Variants in TMC6 observed in about 807,000 individuals in gnomAD.
TMC6 encodes the protein transmembrane channel like 6.
In TMC6, 71 loss-of-function variants were observed where a neutral mutation model predicts 95.4. The ratio of observed to expected loss-of-function variants is 0.74; its 90% CI spans 0.61 to 0.91. The LOEUF (loss-of-function observed/expected upper bound fraction) is 0.91, where lower values mean the gene tolerates loss of function less well. Among genes scored for constraint, TMC6 ranks in the 40% least tolerant of loss-of-function variants. The probability of loss-of-function intolerance (pLI) is 0.00; values close to 1 mark genes in which losing one functional copy is unlikely to be tolerated. For missense variants in TMC6, 1,074 were observed against 1,079.1 expected (o/e 1.00, Z 0.07); for synonymous variants, 514 against 483.1 (o/e 1.06, Z -0.84).
rs1470270945 is a variant in TMC6 at position 78,113,144 on chromosome 17, C to A, written c.*4G>T. The A allele has an allele frequency of 6.4e-7, 1 of 1,553,454 alleles. No homozygotes were observed. The highest frequency in any genetic ancestry group is 2.4e-5 in the East Asian group (1 of 41,560). On this transcript the variant is annotated 3_prime_UTR_variant, in exon 20 of 20. Coordinates refer to ENST00000590602, the MANE Select transcript of TMC6 (RefSeq NM_001127198.5). ...GCGGGCCCGTGAGGCCCATCGCCGT[C>A]CCCCTAGGCATCCTGTTCATCTGTG... is the stretch of plus-strand genomic sequence containing the variant.
At chr17:78,126,110 C>T (rs2074698580) in intron 4 of TMC6, 167 bp downstream of exon 4, 10 of 1,141,168 alleles carry the variant, frequency 8.8e-6, no homozygotes, top group Non-Finnish European at 1.2e-5. Flanking sequence ...CTGTGCTGGG[C>T]CCCCAGGCAG....
At chr17:78,120,540 G>T in intron 13 of TMC6, 113 bp downstream of exon 13, 1 of 1,459,594 alleles carries the variant, frequency 6.9e-7, no homozygotes, top group Non-Finnish European at 9.6e-7. Context: ...CCTCTGAAGG[G>T]TGGAGACACA....
In TMC6 at chr17:78,128,412, G is replaced by C. The variant is rs1275051211; in HGVS notation, c.-75+200C>G. Among the ~76,000 whole-genome samples, 1 of 152,036 alleles carries C rather than the reference G, an allele frequency of 6.6e-6. No homozygotes were observed. The highest frequency in any genetic ancestry group is 1.5e-5 in the Non-Finnish European group (1 of 67,960). ...GGCTGCGGATTTTGCTCCCCGCACT[G>C]TCCTCCCCGCCCCTGCCGCTCCCAG... On this transcript the variant is annotated intron_variant, in intron 1 of 19. Transcript: ENST00000590602. The surrounding 1 kb of genome is among the most constrained non-coding windows in gnomAD (Gnocchi z 4.0).
At chr17:78,115,592 C>T (rs1053594937) in intron 18 of TMC6, among the ~76,000 whole-genome samples, 1 of 151,148 alleles carries the variant, frequency 6.6e-6, no homozygotes, top group Non-Finnish European at 1.5e-5. Context: ...GCCCAGTGGG[C>T]AAGGAGGTCC....
At chr17:78,123,219 G>C in intron 9 of TMC6, 1 of 301,840 alleles carries the variant, frequency 3.3e-6, no homozygotes, top group Non-Finnish European at 6.5e-6. Context: ...AAGCCTCATG[G>C]ATTGTCCCAG....
At chr17:78,117,673 A>G (rs1019318805) in intron 16 of TMC6, 29 bp from the exon 17 acceptor site, 4 of 1,555,212 alleles carry the variant, frequency 2.6e-6, no homozygotes, top group African/African-American at 1.4e-5. Context: ...AGGAACCCTC[A>G]CCCCGAGCAA....
In TMC6 at chr17:78,111,270, A is replaced by T. The variant is rs1172259832; in HGVS notation, c.*1878T>A. ...TAGCACACACGGTAATTCTCCAGAA[A>T]TATCCAGGCCAAGTTCTTCCACTTT... On this transcript the variant is annotated 3_prime_UTR_variant, in exon 20 of 20. Coordinates refer to ENST00000590602, the MANE Select transcript of TMC6 (RefSeq NM_001127198.5). The T allele has an allele frequency of 1.3e-5, 2 of 152,326 alleles. No individual in the cohort carries two copies. The highest frequency in any genetic ancestry group is 1.3e-4 in the Admixed American group (2 of 15,288). The allele number at this position is 152,326 out of a possible 1,614,324, so 9.4% of individuals were successfully genotyped here.
Position 78,125,743 on chromosome 17 carries a change from G to C in TMC6, c.413C>G (p.Thr138Arg). Residue 138 changes from threonine (T) to arginine (R), a missense_variant, in exon 5 of 20, where the codon ACG becomes AGG. Coordinates refer to ENST00000590602, the MANE Select transcript of TMC6 (RefSeq NM_001127198.5). ...TCACTCACCCTCCTCCTCCAGGGCC[G>C]TGGGGTCCAGCTCCAGGTCGTACAG... ...LRLYDLELDP[T>R]ALEEEEKQSL... 1.3e-6 allele frequency: 2 copies of C among 1,568,140 alleles called. No individual in the cohort carries two copies. The highest frequency in any genetic ancestry group is 1.7e-6 in the Non-Finnish European group (2 of 1,156,960).
rs2074624165 is a variant in TMC6, at chr17:78,124,942, C to T, written c.580G>A (p.Gly194Ser). ...TPRGKWRGQP[G>S]SGGVCSCCGR... ...CAGCAGGAGCAGACCCCGCCGCTGC[C>T]CGGCTGGCCCCTCCACTTCCCCCTC... The change falls in exon 7 of 20, where the codon GGC (glycine) becomes AGC (serine). Residue 194 changes from glycine (G) to serine (S), a missense_variant. Physicochemically the swap from Gly to Ser is moderately conservative, Grantham distance 56. Transcript: ENST00000590602. 3.1e-6 allele frequency: 5 copies of T among 1,600,606 alleles called. No homozygotes were observed. Among genetic ancestry groups the T allele is most frequent in the Middle Eastern group, 3.4e-4 (2 of 5,834 alleles).
At position 78,126,327 on chromosome 17, in the gene TMC6, T is replaced by C; in HGVS notation, c.221A>G (p.Gln74Arg). 1 of 1,577,854 alleles carries C rather than the reference T, an allele frequency of 6.3e-7. No homozygotes were observed. Among genetic ancestry groups the C allele is most frequent in the Non-Finnish European group, 8.6e-7 (1 of 1,166,432 alleles). Residue 74 changes from glutamine to arginine, a missense_variant, in exon 4 of 20, where the codon CAG (glutamine) becomes CGG (arginine). Transcript: ENST00000590602. ...CAGGATGCGGAGTGTGGCCGTGCTC[T>C]GGGTGCCCTCGGGCCGCCAGAGTGT... is the stretch of plus-strand genomic sequence containing the variant. ...QQTLWRPEGT[Q>R]STATLRILAS...
chr17:78,113,577 G>A lies in TMC6; in HGVS notation c.2325C>T (p.Tyr775=), dbSNP rs370394664. ...IFLINKLHSI[Y]ERKEREERSR... ...TCCTCTCCTCCCTCTCCTTCCTCTC[G>A]TAGATGGAGTGAAGCTTGTTGATTA... is the stretch of plus-strand genomic sequence containing the variant. Residue 775 remains tyrosine (Y), a synonymous_variant, in exon 19 of 20, where the codon TAC becomes TAT. Transcript: ENST00000590602. 3.0e-5 allele frequency: 48 copies of A among 1,613,844 alleles called. No individual in the cohort carries two copies. The African/African-American group carries it at 3.1e-4, about 10-fold the overall frequency.
At chr17:78,115,927 C>T (rs1007280244) in intron 18 of TMC6, among the ~76,000 whole-genome samples, 18 of 150,926 alleles carry the variant, frequency 1.2e-4, no homozygotes, top group Non-Finnish European at 2.1e-4. Flanking sequence ...AGGGAGTGGG[C>T]ACAGGGACCA....
Position 78,113,183 on chromosome 17 carries a change from G to T in TMC6, c.2383C>A (p.Pro795Thr). The T allele has an allele frequency of 6.4e-7, 1 of 1,558,390 alleles. No homozygotes were observed. The highest frequency in any genetic ancestry group is 2.4e-5 in the East Asian group (1 of 42,330). The change falls in exon 20 of 20, where the codon CCC becomes ACC. Residue 795 changes from proline to threonine, a missense_variant. Coordinates refer to ENST00000590602, the MANE Select transcript of TMC6 (RefSeq NM_001127198.5). ...TGTTCATCTGTGAGCAGGGCAGGGGGTGCCGCAGCCTCCTCGGTTGTCCCA... is the reference window on the plus strand; with the variant it reads ...TGTTCATCTGTGAGCAGGGCAGGGGTTGCCGCAGCCTCCTCGGTTGTCCCA... ...RVGTTEEAAA[P>T]PALLTDEQDA
Position 78,125,217 on chromosome 17 carries a change from T to A in TMC6, c.477A>T (p.Ala159=). ...LVKELQSLAV[A]QRDHMLRGMP... is the part of the protein sequence containing the mutation. Reference sequence around the variant, plus strand: ...TCCCGCGAAGCATGTGGTCCCGCTGTGCCACTGCCAGGCTCTGGAGCTCCT... The same window carrying A: ...TCCCGCGAAGCATGTGGTCCCGCTGAGCCACTGCCAGGCTCTGGAGCTCCT... Residue 159 remains alanine, a synonymous_variant, in exon 6 of 20, where the codon GCA becomes GCT. Coordinates refer to ENST00000590602, the MANE Select transcript of TMC6 (RefSeq NM_001127198.5). The A allele has an allele frequency of 1.3e-6, 2 of 1,590,850 alleles. No homozygotes were observed. Among genetic ancestry groups the A allele is most frequent in the East Asian group, 2.3e-5 (1 of 44,016 alleles).
intron 8 of TMC6, 32 bp from the exon 9 acceptor site, chr17:78,124,211 C>T: frequency 1.2e-6 from 2 of 1,609,582 alleles, no homozygotes; most frequent in Non-Finnish European, 8.5e-7. Context: ...GAGTCAGGGA[C>T]TTTCCCCACG....
intron 13 of TMC6, chr17:78,119,775 C>T (rs1053964672): frequency 2.2e-4 from 89 of 396,596 alleles, no homozygotes; most frequent in African/African-American, 1.6e-3. Flanking sequence ...GCTGGGACTA[C>T]AGGCACACAC....
At position 78,128,326 on chromosome 17, in the gene TMC6, G is replaced by A. The variant is rs937922304; in HGVS notation, c.-75+286C>T. Among the ~76,000 whole-genome samples, 3 of 149,700 alleles carry A rather than the reference G, an allele frequency of 2.0e-5. No homozygotes were observed. The highest frequency in any genetic ancestry group is 4.5e-5 in the Non-Finnish European group (3 of 67,358). ...CCTGTCCCCCGCCCCTTCCCATCCCGGCCACACCCCCTCCCCTCCCCTCCC... is the reference window on the plus strand; with the variant it reads ...CCTGTCCCCCGCCCCTTCCCATCCCAGCCACACCCCCTCCCCTCCCCTCCC... On this transcript the variant is annotated intron_variant, in intron 1 of 19. Coordinates refer to ENST00000590602, the MANE Select transcript of TMC6 (RefSeq NM_001127198.5). This position sits in a 1 kb window ranked among gnomAD's most constrained non-coding sequence, Gnocchi z 4.0.
chr17:78,107,915 A>T lies in TMC6; in HGVS notation c.*5233T>A, dbSNP rs2073731402. The T allele has an allele frequency of 6.6e-6, 1 of 152,202 alleles. No individual in the cohort carries two copies. The highest frequency in any genetic ancestry group is 2.4e-5 in the African/African-American group (1 of 41,434). 9.4% of individuals were successfully genotyped at this position (152,202 alleles called of 1,614,324 possible). ...AGACATTTTATGCATCTATTTTTGT[A>T]AAATCACCTTCGCTAACTTTCACCA... On this transcript the variant is annotated 3_prime_UTR_variant, in exon 20 of 20. Transcript: ENST00000590602.
rs1451171768 is a variant in TMC6, at chr17:78,124,166, T to C, written c.905A>G (p.His302Arg). 1.2e-6 allele frequency: 2 copies of C among 1,611,426 alleles called. No individual in the cohort carries two copies. Among genetic ancestry groups the C allele is most frequent in the Non-Finnish European group, 1.7e-6 (2 of 1,179,714 alleles). Residue 302 changes from histidine (H) to arginine (R), a missense_variant, in exon 9 of 20, where the codon CAC (histidine) becomes CGC (arginine). By Grantham distance (29) the His-to-Arg change is conservative. Coordinates refer to ENST00000590602, the MANE Select transcript of TMC6 (RefSeq NM_001127198.5). Reference sequence around the variant, plus strand: ...GTAGTGGCCGTAGTACATGACGGTGTGGGTGAAGCAACCCTGCCACAGGGA... The same window carrying C: ...GTAGTGGCCGTAGTACATGACGGTGCGGGTGAAGCAACCCTGCCACAGGGA... Reference protein sequence around the residue: ...ELLTGAGCFTHTVMYYGHYSN... With the variant: ...ELLTGAGCFTRTVMYYGHYSN...
Sources: gnomAD v4.1 joint callset for allele counts (sites outside exome capture counted in the v4.1 genomes callset) on GRCh38, gnomAD v4.1.1 for gene constraint, Gnocchi (gnomAD v3.1) non-coding constraint, MANE v1.5 for transcripts, NCBI Gene and HGNC (gene_info 2026-07-23, HGNC 2026-07-21) for gene names.